The following GDA variants were observed in gnomAD, a reference collection of about 807,000 sequenced individuals.
GDA encodes the protein guanine deaminase, also known as cytoplasmic PSD-95 interactor.
In GDA, 18 loss-of-function variants were observed where a neutral mutation model predicts 59.6. That is an observed-to-expected ratio of 0.30 (90% CI 0.21 to 0.45). GDA has a LOEUF of 0.45. Among genes scored for constraint, GDA ranks in the 20% least tolerant of loss-of-function variants. The probability of loss-of-function intolerance (pLI) is 1.00; values close to 1 mark genes in which losing one functional copy is unlikely to be tolerated. For synonymous variants in GDA, 201 were observed against 201.1 expected, an observed-to-expected ratio of 1.00 and a Z score of 0.00; for missense variants, 427 against 552.3, an observed-to-expected ratio of 0.77 and a Z score of 2.27.
upstream of GDA, among the ~76,000 whole-genome samples, chr9:72,148,319 G>A (rs747969131): frequency 2.5e-4 from 20 of 80,330 alleles, no homozygotes; most frequent in Non-Finnish European, 4.2e-4. Flanking sequence ...ATGTGTGTGT[G>A]TGTGTGTGTG....
chr9:72,227,606 A>C (rs1336988860), intron 8 of GDA, among the ~76,000 whole-genome samples: 2 of 152,188 alleles, frequency 1.3e-5, no homozygotes, highest in African/African-American at 4.8e-5. Flanking sequence ...AGTCTTCTAA[A>C]GTAGAGATGA....
intron 1 of GDA, among the ~76,000 whole-genome samples, chr9:72,129,676 A>G (rs1287009016): frequency 1.6e-4 from 24 of 152,208 alleles, no homozygotes; most frequent in Admixed American, 1.5e-3. Flanking sequence ...AGGGAGACCG[A>G]TGATGTTCAC....
chr9:72,149,704 C>A (rs1190646546), intron 1 of GDA, 22 bp downstream of exon 1: 1 of 1,579,150 alleles, frequency 6.3e-7, no homozygotes, highest in African/African-American at 1.4e-5. Flanking sequence ...CGGGGTCGAG[C>A]GCACTCCGAC....
chr9:72,203,514 G>T (rs984588219), intron 3 of GDA, among the ~76,000 whole-genome samples: 2 of 152,164 alleles, frequency 1.3e-5, no homozygotes, highest in South Asian at 2.1e-4. Flanking sequence ...AGGAAAATCA[G>T]TTCCTTTCTT....
chr9:72,202,646 C>T lies in GDA; in HGVS notation c.288C>T (p.Asp96=), dbSNP rs776859539. 3 of 1,608,790 alleles carry T rather than the reference C, an allele frequency of 1.9e-6. 1 individual carries two copies. The Admixed American group carries it at 5.0e-5, about 27-fold the overall frequency. Residue 96 remains aspartate, a synonymous_variant, in exon 3 of 14, where the codon GAC becomes GAT. Transcript: ENST00000358399. The stretch of plus-strand genomic sequence containing the variant: ...ATTCCTTTGCTGGAAGTAGCATAGA[C>T]CTGCCACTCTTGGAGTGGCTGACCA... The part of the protein sequence containing the change: ...SQYSFAGSSI[D]LPLLEWLTKY...
At chr9:72,186,587 G>C (rs1242435646) in intron 1 of GDA, among the ~76,000 whole-genome samples, 2 of 152,164 alleles carry the variant, frequency 1.3e-5, no homozygotes, top group East Asian at 3.9e-4. Flanking sequence ...ATAATCCTGA[G>C]CATACAGGAA....
chr9:72,140,471 T>C (rs2130649630), intron 1 of GDA, among the ~76,000 whole-genome samples: 1 of 152,188 alleles, frequency 6.6e-6, no homozygotes, highest in African/African-American at 2.4e-5. Context: ...CCAGAAAGAG[T>C]GTGACCATAG....
chr9:72,131,724 T>C (rs1826034346), intron 1 of GDA, among the ~76,000 whole-genome samples: 1 of 152,070 alleles, frequency 6.6e-6, no homozygotes, highest in African/African-American at 2.4e-5. Flanking sequence ...CTTCAGGGTG[T>C]CACCCATCTT....
At chr9:72,208,185 A>G (rs940737800) in intron 3 of GDA, among the ~76,000 whole-genome samples, 2 of 152,182 alleles carry the variant, frequency 1.3e-5, no homozygotes, top group Non-Finnish European at 2.9e-5. Flanking sequence ...CGGCATGTTC[A>G]TTTCTATTAT....
At chr9:72,208,420 A>G (rs930403846) in intron 3 of GDA, among the ~76,000 whole-genome samples, 1 of 152,116 alleles carries the variant, frequency 6.6e-6, no homozygotes, top group Non-Finnish European at 1.5e-5. Flanking sequence ...TATTCAATCC[A>G]CTAGTCCTTT....
intron 9 of GDA, chr9:72,228,988 GC>G (rs1416190243): frequency 1.3e-5 from 2 of 151,972 alleles, no homozygotes; most frequent in Non-Finnish European, 2.9e-5. Flanking sequence ...ATCTCATGAT[GC>G]CAGTCCATGG....
rs530773318 is a variant in GDA at position 72,222,936 on chromosome 9, G to A, written c.607-184G>A. ...TGGTCAGGCTGGTCTCGAACTCCCG[G>A]CCCTCAGGTGATCCACCTGCCTTGG... On this transcript the variant is annotated intron_variant, in intron 6 of 13. Transcript: ENST00000358399. Among the ~76,000 whole-genome samples the A allele has an allele frequency of 5.5e-4, 84 of 152,204 alleles. 1 individual carries two copies. The highest frequency in any genetic ancestry group is 1.9e-3 in the African/African-American group (79 of 41,542).
chr9:72,232,420 A>G (rs1173191688), intron 10 of GDA, among the ~76,000 whole-genome samples: 1 of 152,224 alleles, frequency 6.6e-6, no homozygotes, highest in Non-Finnish European at 1.5e-5. Flanking sequence ...TGGGAATCAA[A>G]GTAATCAAGA....
chr9:72,193,471 CCAAA>C (rs1372570416), intron 1 of GDA, among the ~76,000 whole-genome samples: 1 of 152,248 alleles, frequency 6.6e-6, no homozygotes, highest in Admixed American at 6.5e-5. Context: ...TTACTATCTC[CCAAA>C]CAGTCTCTCT....
chr9:72,143,637 G>A (rs1055322853), intron 1 of GDA, among the ~76,000 whole-genome samples: 6 of 152,064 alleles, frequency 3.9e-5, no homozygotes, highest in Admixed American at 2.6e-4. Flanking sequence ...CATTCCTCTC[G>A]TTCTGTTTTC....
intron 3 of GDA, among the ~76,000 whole-genome samples, chr9:72,205,830 A>C (rs1834625742): frequency 6.6e-6 from 1 of 152,196 alleles, no homozygotes; most frequent in South Asian, 2.1e-4. Flanking sequence ...AACACAGTCC[A>C]ATTTGAAGTT....
intron 1 of GDA, among the ~76,000 whole-genome samples, chr9:72,137,216 A>AT (rs55773354): frequency 0.68 from 82,622 of 122,020 alleles, 27,142 homozygotes; most frequent in South Asian, 0.74. Flanking sequence ...TAAAAAAAAA[A>AT]AAAATTAGGA....
rs529562190 is a variant in GDA at position 72,244,573 on chromosome 9, A to AGAAGT, written c.1136-572_1136-568dup. The stretch of plus-strand genomic sequence containing the variant: ...GAGTTATGAGAATCTGTTCATTTTG[A>AGAAGT]GAAGTGAGGTTTTTTTTCCATTCAA... On this transcript the variant is annotated intron_variant, in intron 11 of 13. Transcript: ENST00000358399. 3.8e-3 allele frequency among the ~76,000 whole-genome samples: 581 copies of AGAAGT among 152,298 alleles called. 2 individuals carry two copies. The highest frequency in any genetic ancestry group is 0.013 in the African/African-American group (555 of 41,574).
At chr9:72,176,387 A>G (rs977042909) in intron 1 of GDA, among the ~76,000 whole-genome samples, 10 of 152,202 alleles carry the variant, frequency 6.6e-5, no homozygotes, top group African/African-American at 2.2e-4. Flanking sequence ...GCAAGTCACT[A>G]TGTTTGGCCC....
Sources: gnomAD v4.1 joint callset for allele counts (sites outside exome capture counted in the v4.1 genomes callset) on GRCh38, gnomAD v4.1.1 for gene constraint, MANE v1.5 for transcripts, NCBI Gene and HGNC (gene_info 2026-07-23, HGNC 2026-07-21) for gene names.